DISC1: variants seen among roughly 807,000 people sequenced by gnomAD.
DISC1 encodes disrupted in schizophrenia 1 protein.
A neutral mutation model predicts 84.5 loss-of-function variants in DISC1; 57 were observed. That is an observed-to-expected ratio of 0.67 (90% CI 0.55 to 0.84). The LOEUF is 0.84. DISC1 is among the 40% of genes least tolerant of loss of function. The pLI is 0.00. For synonymous variants in DISC1, 411 were observed against 415.2 expected (o/e 0.99, Z 0.12); for missense variants, 1,000 against 1,057.8 (o/e 0.95, Z 0.76).
At chr1:231,942,688 AAAAAAGAAAAAAAAG>A (rs1348658794) in intron 9 of DISC1, among the ~76,000 whole-genome samples, 5 of 152,130 alleles carry the variant, frequency 3.3e-5, no homozygotes, top group African/African-American at 1.2e-4. Flanking sequence ...TAAAATAAAT[AAAAAAGAAAAAAAAG>A]AAAACGCCAT....
At chr1:231,998,166 T>C (rs926571832) in intron 10 of DISC1, among the ~76,000 whole-genome samples, 3 of 152,204 alleles carry the variant, frequency 2.0e-5, no homozygotes, top group Admixed American at 6.5e-5. Context: ...GAAAAGCCAA[T>C]TGGCGAGCCA....
intron 9 of DISC1, among the ~76,000 whole-genome samples, chr1:231,833,663 G>A (rs1171512176): frequency 1.3e-5 from 2 of 152,282 alleles, no homozygotes; most frequent in Middle Eastern, 3.4e-3. Context: ...CAGATTTCTG[G>A]CACTTGTAGC....
At chr1:231,942,811 A>G (rs1451722132) in intron 9 of DISC1, among the ~76,000 whole-genome samples, 1 of 152,250 alleles carries the variant, frequency 6.6e-6, no homozygotes, top group Non-Finnish European at 1.5e-5. Flanking sequence ...CCTTGTGCTG[A>G]GCACCGGGCA....
chr1:231,799,636 A>C (rs915292086), intron 7 of DISC1, among the ~76,000 whole-genome samples: 7 of 151,670 alleles, frequency 4.6e-5, no homozygotes, highest in African/African-American at 1.7e-4. Context: ...GGGACTACAA[A>C]AGTGATGCAG....
At chr1:231,780,330 G>T (rs560277557) in intron 6 of DISC1, among the ~76,000 whole-genome samples, 1 of 151,798 alleles carries the variant, frequency 6.6e-6, no homozygotes, top group East Asian at 1.9e-4. Flanking sequence ...TAAGTTAACA[G>T]GCTATATTTG....
chr1:231,923,838 C>G (rs1572088027), intron 9 of DISC1, among the ~76,000 whole-genome samples: 1 of 152,168 alleles, frequency 6.6e-6, no homozygotes, highest in Admixed American at 6.5e-5. Flanking sequence ...ACTGGAGTAG[C>G]CTGAGAACCA....
chr1:231,724,183 G>A (rs960934566), intron 3 of DISC1: 18 of 379,072 alleles, frequency 4.7e-5, no homozygotes, highest in African/African-American at 3.9e-4. Flanking sequence ...TGTGGGGAAG[G>A]GGGCAGGGCT....
Position 231,907,116 on chromosome 1 carries a change from T to C in DISC1, c.1982-51712T>C, listed in dbSNP as rs1336584720. ...CCTCCCTCCTTCCTTCTCTCCTTCCTTCCTTCCTTCCTTCCTCTTTCTTTC... is the reference window on the plus strand; with the variant it reads ...CCTCCCTCCTTCCTTCTCTCCTTCCCTCCTTCCTTCCTTCCTCTTTCTTTC... On this transcript the variant is annotated intron_variant, in intron 9 of 12. Coordinates refer to ENST00000439617, the MANE Select transcript of DISC1 (RefSeq NM_018662.3). Among the ~76,000 whole-genome samples the C allele has an allele frequency of 4.9e-3, 377 of 76,582 alleles. 95 individuals carry two copies. Among genetic ancestry groups the C allele is most frequent in the South Asian group, 9.6e-3 (15 of 1,568 alleles). The allele number at this position is 76,582 out of a possible 152,430, so 50.2% of individuals were successfully genotyped here. A position where few individuals can be genotyped will look rare whatever the true frequency, so the allele number is the denominator to read the frequency against.
rs567504508 is a variant in DISC1 at position 231,771,563 on chromosome 1, G to A, written c.1634+493G>A. On this transcript the variant is annotated intron_variant, in intron 6 of 12. Coordinates refer to ENST00000439617, the MANE Select transcript of DISC1 (RefSeq NM_018662.3). ...GGGTGCTTACCATGTACCAGGCAGT[G>A]TTATAAGCTGACTCTATGAGTTACT... 47 of 985,432 alleles carry A rather than the reference G, an allele frequency of 4.8e-5. No homozygotes were observed. In the African/African-American group the frequency reaches 8.0e-4, roughly 17 times the overall value. The allele number at this position is 985,432 out of a possible 1,614,324, so 61.0% of individuals were successfully genotyped here.
At chr1:231,981,913 G>A (rs982499801) in intron 10 of DISC1, among the ~76,000 whole-genome samples, 5 of 152,196 alleles carry the variant, frequency 3.3e-5, no homozygotes, top group Non-Finnish European at 7.3e-5. Flanking sequence ...TATTTTAAGT[G>A]TGATGAAACA....
intron 10 of DISC1, among the ~76,000 whole-genome samples, chr1:232,003,065 AAAAG>A (rs566204904): frequency 7.4e-4 from 112 of 152,304 alleles, no homozygotes; most frequent in African/African-American, 2.6e-3. Context: ...AATAAAAAGA[AAAAG>A]AAAAATAGAA....
At chr1:231,876,099 A>G (rs1282650643) in intron 9 of DISC1, among the ~76,000 whole-genome samples, 1 of 152,144 alleles carries the variant, frequency 6.6e-6, no homozygotes, top group Non-Finnish European at 1.5e-5. Context: ...CCCTGCCCAA[A>G]TCTCATGTTG....
intron 9 of DISC1, among the ~76,000 whole-genome samples, chr1:231,900,084 GTC>G (rs1558708039): frequency 6.6e-6 from 1 of 152,164 alleles, no homozygotes; most frequent in Non-Finnish European, 1.5e-5. Flanking sequence ...CTTCTGAATA[GTC>G]TAGCCTGTGT....
intron 6 of DISC1, chr1:231,771,643 T>G (rs1317188907): frequency 9.3e-6 from 9 of 964,442 alleles, no homozygotes; most frequent in Non-Finnish European, 1.1e-5. Flanking sequence ...AGGTTATAAT[T>G]TGCCCAAAGT....
intron 12 of DISC1, among the ~76,000 whole-genome samples, chr1:232,033,962 A>G (rs1670285812): frequency 6.6e-6 from 1 of 152,144 alleles, no homozygotes; most frequent in Non-Finnish European, 1.5e-5. Context: ...AATTAGGATC[A>G]TTCCATATAA....
intron 9 of DISC1, among the ~76,000 whole-genome samples, chr1:231,928,175 G>GT (rs1400029617): frequency 2.0e-5 from 3 of 152,220 alleles, no homozygotes; most frequent in Non-Finnish European, 2.9e-5. Context: ...AAAGGACAAA[G>GT]TATCAGACTT....
chr1:231,630,198 G>C lies in DISC1; in HGVS notation c.67+3264G>C, dbSNP rs969664008. The stretch of plus-strand genomic sequence containing the variant: ...CCCGCCTCAGCCTCCCAAAGTGCTG[G>C]GATTACAGGCATGAGCCACTGCGCC... On this transcript the variant is annotated intron_variant, in intron 1 of 12. Coordinates refer to ENST00000439617, the MANE Select transcript of DISC1 (RefSeq NM_018662.3). This position sits in a 1 kb window ranked among gnomAD's most constrained non-coding sequence, Gnocchi z 4.4. 2.0e-5 allele frequency among the ~76,000 whole-genome samples: 3 copies of C among 152,072 alleles called. No homozygotes were observed. Among genetic ancestry groups the C allele is most frequent in the African/African-American group, 7.2e-5 (3 of 41,398 alleles).
intron 1 of DISC1, 29 bp downstream of exon 1, chr1:231,626,963 C>A: frequency 1.4e-6 from 2 of 1,454,568 alleles, no homozygotes; most frequent in Non-Finnish European, 1.8e-6. Context: ...AGTCCTAGCA[C>A]GTCCTGGGGG....
intron 9 of DISC1, among the ~76,000 whole-genome samples, chr1:231,819,836 T>C (rs1237866834): frequency 6.6e-6 from 1 of 152,282 alleles, no homozygotes; most frequent in East Asian, 1.9e-4. Context: ...ATGAAGAATA[T>C]ATTATATCCA....
Sources: allele counts gnomAD v4.1 joint callset (sites outside exome capture counted in the v4.1 genomes callset), GRCh38; gene constraint gnomAD v4.1.1; non-coding constraint Gnocchi (gnomAD v3.1); transcripts MANE v1.5; gene names NCBI Gene and HGNC (gene_info 2026-07-23, HGNC 2026-07-21).